The following SRGAP1 variants were observed in gnomAD, a reference collection of about 807,000 sequenced individuals.
The protein encoded by SRGAP1 is SLIT-ROBO Rho GTPase activating protein 1.
In SRGAP1, 43 loss-of-function variants were observed where a neutral mutation model predicts 121.9. That is an observed-to-expected ratio of 0.35 (90% CI 0.28 to 0.46). SRGAP1 has a LOEUF of 0.46. Ranked by LOEUF, SRGAP1 falls within the 20% of genes least tolerant of loss-of-function variation. The pLI is 1.00. For synonymous variants in SRGAP1, 447 were observed against 485.4 expected (o/e 0.92, Z 1.04); for missense variants, 1,102 against 1,350.9 (o/e 0.82, Z 2.89).
chr12:63,931,673 T>A (rs2031481126), intron 1 of SRGAP1, among the ~76,000 whole-genome samples: 1 of 152,174 alleles, frequency 6.6e-6, no homozygotes, highest in African/African-American at 2.4e-5. Flanking sequence ...CTTGTCAAGA[T>A]GAATAAGGCC....
intron 1 of SRGAP1, among the ~76,000 whole-genome samples, chr12:63,970,320 C>T (rs1283297146): frequency 6.6e-6 from 1 of 152,142 alleles, no homozygotes; most frequent in East Asian, 1.9e-4. Context: ...GCTATTTATG[C>T]ATCTGATCAT....
chr12:63,960,721 A>G (rs750072327), intron 1 of SRGAP1, among the ~76,000 whole-genome samples: 52 of 152,312 alleles, frequency 3.4e-4, no homozygotes, highest in Non-Finnish European at 6.3e-4. Flanking sequence ...CAGTGGGCCC[A>G]GTGTAATCAC....
chr12:63,989,773 G>A, intron 2 of SRGAP1, 137 bp from the exon 3 acceptor site: 3 of 616,506 alleles, frequency 4.9e-6, no homozygotes, highest in Middle Eastern at 4.0e-4. Context: ...AAGTGTCCTG[G>A]TCTGAGAAAT....
chr12:64,078,363 G>A (rs1378810042), intron 8 of SRGAP1, among the ~76,000 whole-genome samples: 3 of 152,128 alleles, frequency 2.0e-5, no homozygotes, highest in Non-Finnish European at 4.4e-5. Context: ...TGTATCTCAC[G>A]TTGAGCAAAA....
intron 18 of SRGAP1, among the ~76,000 whole-genome samples, chr12:64,123,307 A>G (rs138663374): frequency 2.3e-4 from 35 of 152,282 alleles, no homozygotes; most frequent in African/African-American, 7.2e-4. Flanking sequence ...TGATTGTGCT[A>G]CTATATCCGG....
At chr12:64,130,671 A>C (rs2136641697) in intron 21 of SRGAP1, among the ~76,000 whole-genome samples, 1 of 152,326 alleles carries the variant, frequency 6.6e-6, no homozygotes, top group South Asian at 2.1e-4. Context: ...GAGCATGGTA[A>C]GACCCATGAA....
chr12:63,971,762 G>GT (rs554639536), intron 1 of SRGAP1, among the ~76,000 whole-genome samples: 289 of 151,968 alleles, frequency 1.9e-3, no homozygotes, highest in African/African-American at 6.4e-3. Context: ...GTGTGTGTGT[G>GT]GGTGTGTGTG....
intron 4 of SRGAP1, among the ~76,000 whole-genome samples, chr12:64,019,192 C>T (rs949056036): frequency 3.9e-5 from 6 of 152,138 alleles, no homozygotes; most frequent in African/African-American, 1.2e-4. Context: ...AAAATTTTAT[C>T]TCAGTGAGAG....
chr12:63,978,060 C>T (rs1049095887), intron 1 of SRGAP1, among the ~76,000 whole-genome samples: 1 of 152,094 alleles, frequency 6.6e-6, no homozygotes, highest in Non-Finnish European at 1.5e-5. Context: ...AAGTGCTTGT[C>T]CCCATGTTGG....
chr12:64,107,245 A>C (rs2036359847), intron 15 of SRGAP1, among the ~76,000 whole-genome samples: 1 of 152,186 alleles, frequency 6.6e-6, no homozygotes, highest in African/African-American at 2.4e-5. Context: ...TGGGGTCAGC[A>C]CTCAAGATTC....
intron 21 of SRGAP1, among the ~76,000 whole-genome samples, chr12:64,132,206 A>G (rs1385283344): frequency 1.3e-5 from 2 of 152,202 alleles, no homozygotes; most frequent in Non-Finnish European, 2.9e-5. Context: ...TCTGCAGAAG[A>G]AGGCAGGGCC....
intron 1 of SRGAP1, among the ~76,000 whole-genome samples, chr12:63,925,759 C>T (rs559878979): frequency 6.6e-6 from 1 of 152,230 alleles, no homozygotes; most frequent in Non-Finnish European, 1.5e-5. Flanking sequence ...TTGTACTGAT[C>T]AGGCCAGCCC....
At chr12:63,926,378 TAGG>T (rs959884200) in intron 1 of SRGAP1, among the ~76,000 whole-genome samples, 1 of 152,164 alleles carries the variant, frequency 6.6e-6, no homozygotes, top group Non-Finnish European at 1.5e-5. Flanking sequence ...TCCAGTTTCA[TAGG>T]AGAGGAAAGT....
intron 1 of SRGAP1, among the ~76,000 whole-genome samples, chr12:63,914,742 G>A (rs1458140893): frequency 6.6e-6 from 1 of 151,826 alleles, no homozygotes; most frequent in Admixed American, 6.6e-5. Context: ...ACAAGTTTCT[G>A]TCTAAAAACC....
intron 18 of SRGAP1, 38 bp from the exon 19 acceptor site, chr12:64,125,939 A>G: frequency 6.2e-7 from 1 of 1,601,146 alleles, no homozygotes; most frequent in South Asian, 1.1e-5. Context: ...CTTCCTAACA[A>G]CCCTGTTTCT....
chr12:64,125,844 TG>T (rs1445930249), intron 18 of SRGAP1, 132 bp from the exon 19 acceptor site: 2 of 748,344 alleles, frequency 2.7e-6, no homozygotes, highest in Non-Finnish European at 4.0e-6. Context: ...CTTGATAATA[TG>T]TTGATGACTC....
chr12:63,931,275 T>C (rs192356640), intron 1 of SRGAP1, among the ~76,000 whole-genome samples: 12 of 152,346 alleles, frequency 7.9e-5, no homozygotes, highest in African/African-American at 2.9e-4. Flanking sequence ...TCCCTGCTGT[T>C]CTTCTTTTCT....
chr12:64,092,469 T>TAC (rs1565677358), intron 12 of SRGAP1, among the ~76,000 whole-genome samples: 470 of 128,238 alleles, frequency 3.7e-3, no homozygotes, highest in Middle Eastern at 0.028. Flanking sequence ...TACATACATA[T>TAC]ATACATACAT....
rs181071458 is a variant in SRGAP1, at chr12:63,986,203, C to A, written c.263+2061C>A. ...CTCTCTTCTCTCTCTTTCTCTCTCTCCCCCCCGACACACACAATCTCTCAA... is the reference window on the plus strand; with the variant it reads ...CTCTCTTCTCTCTCTTTCTCTCTCTACCCCCCGACACACACAATCTCTCAA... On this transcript the variant is annotated intron_variant, in intron 2 of 21. Transcript: ENST00000355086. Among the ~76,000 whole-genome samples the A allele has an allele frequency of 3.9e-3, 590 of 150,934 alleles. 4 individuals are homozygous for A. Among genetic ancestry groups the A allele is most frequent in the Non-Finnish European group, 6.9e-3 (469 of 67,800 alleles).
Sources: allele counts gnomAD v4.1 joint callset (sites outside exome capture counted in the v4.1 genomes callset), GRCh38; gene constraint gnomAD v4.1.1; transcripts MANE v1.5; gene names NCBI Gene and HGNC (gene_info 2026-07-23, HGNC 2026-07-21).